DMD: variants seen among roughly 807,000 people sequenced by gnomAD.
The protein encoded by DMD is mutant dystrophin.
A neutral mutation model predicts 330.1 loss-of-function variants in DMD; 63 were observed. The ratio of observed to expected loss-of-function variants is 0.19; its 90% confidence interval spans 0.16 to 0.24. The LOEUF is 0.24. DMD is among the 10% of genes least tolerant of loss of function. The pLI is 1.00. For synonymous variants in DMD, 1,223 were observed against 959.8 expected (o/e 1.27, Z -5.07); for missense variants, 3,344 against 2,684.1 (o/e 1.25, Z -5.43).
At position 32,394,890 on chromosome X, in the gene DMD, T is replaced by C. The variant is rs189785156; in HGVS notation, c.4234-4709A>G. On this transcript the variant is annotated intron_variant, in intron 30 of 78. Coordinates refer to ENST00000357033, the MANE Select transcript of DMD (RefSeq NM_004006.3). Reference sequence around the variant, plus strand: ...CCTTTAACCTTTTATACCAGAGTGGTCAAAGAAGAGCAAAAAACAAAAAAA... The same window carrying C: ...CCTTTAACCTTTTATACCAGAGTGGCCAAAGAAGAGCAAAAAACAAAAAAA... 5.3e-3 allele frequency among the ~76,000 whole-genome samples: 187 copies of C among 35,226 alleles called. 1 individual carries two copies. Among genetic ancestry groups the C allele is most frequent in the African/African-American group, 0.015 (177 of 11,873 alleles). 30.6% of individuals were successfully genotyped at this position (35,226 alleles called of 115,157 possible).
chrX:32,057,237 T>G (rs1174232384), intron 44 of DMD, among the ~76,000 whole-genome samples: 2 of 111,641 alleles, frequency 1.8e-5, no homozygotes. Context: ...TTGCCACTTC[T>G]TTTCAAAATC....
intron 60 of DMD, among the ~76,000 whole-genome samples, chrX:31,369,878 G>A (rs1386581143): frequency 3.6e-5 from 4 of 111,119 alleles, no homozygotes; most frequent in African/African-American, 1.3e-4. Context: ...AACATAAAAT[G>A]TAAAACTATA....
chrX:32,313,094 C>G (rs1603630501), intron 41 of DMD, among the ~76,000 whole-genome samples: 1 of 108,783 alleles, frequency 9.2e-6, no homozygotes. Context: ...TTTATGAGGC[C>G]AGCAGCATCC....
chrX:32,017,824 G>T, intron 44 of DMD, among the ~76,000 whole-genome samples: 1 of 111,782 alleles, frequency 8.9e-6, no homozygotes, highest in East Asian at 2.8e-4. Flanking sequence ...CAAAATTATT[G>T]GAAAGTGACA....
chrX:31,202,427 G>A (rs1447756500), intron 67 of DMD, among the ~76,000 whole-genome samples: 1 of 111,777 alleles, frequency 8.9e-6, no homozygotes, highest in Non-Finnish European at 1.9e-5. Context: ...TTCTCCACAT[G>A]CATTTTACAT....
At chrX:32,791,663 T>C (rs2075828929) in intron 7 of DMD, among the ~76,000 whole-genome samples, 1 of 111,983 alleles carries the variant, frequency 8.9e-6, no homozygotes, top group African/African-American at 3.2e-5. Flanking sequence ...AAAACAGGTC[T>C]TTTAAAATAA....
chrX:31,582,556 G>A (rs942125547), intron 55 of DMD, among the ~76,000 whole-genome samples: 3 of 112,055 alleles, frequency 2.7e-5, no homozygotes, highest in African/African-American at 9.7e-5. Context: ...AAAGACCAGT[G>A]AACAAGTTAC....
intron 44 of DMD, among the ~76,000 whole-genome samples, chrX:32,022,637 A>G (rs1485205787): frequency 8.9e-6 from 1 of 112,081 alleles, no homozygotes; most frequent in Non-Finnish European, 1.9e-5. Context: ...ACACACATAC[A>G]TATATCTTCT....
intron 44 of DMD, among the ~76,000 whole-genome samples, chrX:32,039,035 T>C (rs1212864659): frequency 9.0e-6 from 1 of 111,504 alleles, no homozygotes; most frequent in African/African-American, 3.3e-5. Context: ...GATAAGTTAC[T>C]GATCTTCTCT....
At chrX:31,232,066 T>C (rs1305700243) in intron 63 of DMD, among the ~76,000 whole-genome samples, 1 of 68,245 alleles carries the variant, frequency 1.5e-5, no homozygotes, top group Non-Finnish European at 2.5e-5. Flanking sequence ...AGCAGCGTAA[T>C]AGGTCAGCAC....
intron 60 of DMD, among the ~76,000 whole-genome samples, chrX:31,438,887 C>T (rs1439416214): frequency 9.0e-6 from 1 of 111,472 alleles, no homozygotes; most frequent in Non-Finnish European, 1.9e-5. Context: ...GATAAAAGAC[C>T]TGCTTAGAAA....
intron 55 of DMD, among the ~76,000 whole-genome samples, chrX:31,522,393 A>AG (rs2072912669): frequency 2.2e-5 from 2 of 91,643 alleles, no homozygotes; most frequent in Admixed American, 1.3e-4. Context: ...ATATAGCTGC[A>AG]CAGGAAGGAG....
intron 1 of DMD, among the ~76,000 whole-genome samples, chrX:33,036,228 A>T (rs2094201864): frequency 8.9e-6 from 1 of 111,818 alleles, no homozygotes; most frequent in Non-Finnish European, 1.9e-5. Flanking sequence ...TTATTAGCCA[A>T]ATTTTAGAAA....
At chrX:31,360,565 G>A (rs768044881) in intron 60 of DMD, among the ~76,000 whole-genome samples, 18 of 112,403 alleles carry the variant, frequency 1.6e-4, no homozygotes, top group Non-Finnish European at 3.2e-4. Flanking sequence ...AGGATAAGCT[G>A]CCAGAAACGA....
chrX:31,822,282 C>T (rs1031228767), intron 49 of DMD, among the ~76,000 whole-genome samples: 2 of 111,625 alleles, frequency 1.8e-5, no homozygotes, highest in African/African-American at 3.3e-5. Flanking sequence ...GCCATTCAAG[C>T]GCCAGGTGGA....
chrX:32,255,290 G>C (rs911935398), intron 43 of DMD, among the ~76,000 whole-genome samples: 1 of 110,843 alleles, frequency 9.0e-6, no homozygotes, highest in African/African-American at 3.3e-5. Context: ...AATTATTTTG[G>C]GTATATACCC....
intron 44 of DMD, among the ~76,000 whole-genome samples, chrX:32,059,746 T>C (rs765218001): frequency 9.0e-6 from 1 of 111,333 alleles, no homozygotes; most frequent in Non-Finnish European, 1.9e-5. Flanking sequence ...GTGCTAAGGA[T>C]TCACTCAGGG....
rs148908438 is a variant in DMD at position 32,326,458 on chromosome X, G to A, written c.5922+15642C>T. ...AGCATAGCTACATAAATAAGCATAT[G>A]TGTAACATATATGAATACATTTATG... On this transcript the variant is annotated intron_variant, in intron 41 of 78. Coordinates refer to ENST00000357033, the MANE Select transcript of DMD (RefSeq NM_004006.3). Among the ~76,000 whole-genome samples the A allele has an allele frequency of 3.2e-3, 359 of 112,973 alleles. 2 individuals carry two copies. The highest frequency in any genetic ancestry group is 0.014 in the Middle Eastern group (3 of 219).
chrX:32,750,536 T>C (rs946507560), intron 7 of DMD, among the ~76,000 whole-genome samples: 13 of 111,238 alleles, frequency 1.2e-4, no homozygotes, highest in Non-Finnish European at 2.4e-4. Context: ...TGTCAGGTTT[T>C]GGAAACCACA....
Sources: gnomAD v4.1 joint callset for allele counts (sites outside exome capture counted in the v4.1 genomes callset) on GRCh38, gnomAD v4.1.1 for gene constraint, MANE v1.5 for transcripts, NCBI Gene and HGNC (gene_info 2026-07-23, HGNC 2026-07-21) for gene names.